Variants in GRIN2B observed in about 807,000 individuals in gnomAD.
The protein encoded by GRIN2B is glutamate receptor ionotropic, NMDA 2B.
Under a neutral mutation model 114.5 loss-of-function variants are expected in GRIN2B, and 5 were observed. The observed-to-expected ratio is 0.04, with a 90% CI of 0.02 to 0.09. The LOEUF (loss-of-function observed/expected upper bound fraction) is 0.09, where lower values mean the gene tolerates loss of function less well. Ranked by LOEUF, GRIN2B falls within the 10% of genes least tolerant of loss-of-function variation. The probability of loss-of-function intolerance (pLI) is 1.00; values close to 1 mark genes in which losing one functional copy is unlikely to be tolerated. For missense variants in GRIN2B, 1,108 were observed against 1,943.5 expected, an observed-to-expected ratio of 0.57 and a Z score of 8.08; for synonymous variants, 787 against 745.1, an observed-to-expected ratio of 1.06 and a Z score of -0.92.
intron 2 of GRIN2B, among the ~76,000 whole-genome samples, chr12:13,964,671 A>G (rs1474843064): frequency 6.6e-6 from 1 of 152,216 alleles, no homozygotes; most frequent in African/African-American, 2.4e-5. Context: ...TAGATTTTTC[A>G]GGGAAGAGGA....
At chr12:13,978,384 C>A (rs1228987558) in intron 2 of GRIN2B, among the ~76,000 whole-genome samples, 2 of 152,124 alleles carry the variant, frequency 1.3e-5, no homozygotes, top group Non-Finnish European at 2.9e-5. Context: ...ACTCTGATTA[C>A]ACCATGGTTA....
rs1272793619 is a variant in GRIN2B, at chr12:13,546,270, AG to A, written c.*16512del. The A allele has an allele frequency of 2.0e-5, 3 of 152,242 alleles. No individual in the cohort carries two copies. The highest frequency in any genetic ancestry group is 7.2e-5 in the African/African-American group (3 of 41,464). The allele number at this position is 152,242 out of a possible 1,614,324, so 9.4% of individuals were successfully genotyped here. A position where few individuals can be genotyped will look rare whatever the true frequency, so the allele number is the denominator to read the frequency against. ...GACTGGAGAATGGAAATCATTGGAGAGGGGCTGCCCTAAAGGTTTGTAGACA... is the reference window on the plus strand; with the variant it reads ...GACTGGAGAATGGAAATCATTGGAGAGGGCTGCCCTAAAGGTTTGTAGACA... On this transcript the variant is annotated 3_prime_UTR_variant, in exon 14 of 14. Transcript: ENST00000609686.
intron 3 of GRIN2B, among the ~76,000 whole-genome samples, chr12:13,859,061 G>A (rs1450373054): frequency 6.6e-6 from 1 of 152,202 alleles, no homozygotes; most frequent in Non-Finnish European, 1.5e-5. Flanking sequence ...ACCATGCACT[G>A]GGTACATTGC....
intron 3 of GRIN2B, among the ~76,000 whole-genome samples, chr12:13,827,427 G>C (rs2136699519): frequency 6.6e-6 from 1 of 151,660 alleles, no homozygotes; most frequent in East Asian, 1.9e-4. Context: ...TGGACTGATA[G>C]ATAATTTCCT....
At chr12:13,923,360 T>C (rs1866854885) in intron 2 of GRIN2B, among the ~76,000 whole-genome samples, 1 of 152,290 alleles carries the variant, frequency 6.6e-6, no homozygotes, top group East Asian at 1.9e-4. Context: ...TATTCACACA[T>C]AACGGAACAA....
intron 5 of GRIN2B, among the ~76,000 whole-genome samples, chr12:13,663,686 A>G (rs933971328): frequency 6.6e-6 from 1 of 152,192 alleles, no homozygotes; most frequent in African/African-American, 2.4e-5. Context: ...CTCATTTCAA[A>G]TTTATAACTA....
chr12:13,659,942 C>T (rs35674397), intron 5 of GRIN2B, among the ~76,000 whole-genome samples: 11,550 of 152,204 alleles, frequency 0.076, 465 homozygotes, highest in Non-Finnish European at 0.09. Context: ...CTTCCAGACA[C>T]GCTTTAGCTG....
At chr12:13,846,136 G>A (rs1430564262) in intron 3 of GRIN2B, among the ~76,000 whole-genome samples, 3 of 152,172 alleles carry the variant, frequency 2.0e-5, no homozygotes, top group Admixed American at 1.3e-4. Flanking sequence ...CTTGCCCAGA[G>A]TCAAACAGCT....
intron 10 of GRIN2B, among the ~76,000 whole-genome samples, chr12:13,578,265 G>A (rs1948803739): frequency 6.6e-6 from 1 of 152,142 alleles, no homozygotes; most frequent in Non-Finnish European, 1.5e-5. Flanking sequence ...ATTCTTAGCT[G>A]ACCTAGGTGA....
chr12:13,737,802 A>G (rs1863212056), intron 4 of GRIN2B, among the ~76,000 whole-genome samples: 1 of 152,246 alleles, frequency 6.6e-6, no homozygotes, highest in Non-Finnish European at 1.5e-5. Context: ...AAGCACTTTA[A>G]CAATAGTAAT....
In GRIN2B at chr12:13,562,647, G is replaced by T; in HGVS notation, c.*136C>A. ...GCCCCCAGTAGGAACCAGAACTCCA[G>T]GATCCCATAAATAAATTAAAACAAG... On this transcript the variant is annotated 3_prime_UTR_variant, in exon 14 of 14. Coordinates refer to ENST00000609686, the MANE Select transcript of GRIN2B (RefSeq NM_000834.5). 1.3e-6 allele frequency: 1 copy of T among 794,448 alleles called. No individual in the cohort carries two copies. Among genetic ancestry groups the T allele is most frequent in the Non-Finnish European group, 2.2e-6 (1 of 459,750 alleles). The allele number at this position is 794,448 out of a possible 1,614,324, so 49.2% of individuals were successfully genotyped here.
At chr12:13,617,010 C>T (rs1949452752) in intron 5 of GRIN2B, among the ~76,000 whole-genome samples, 1 of 152,168 alleles carries the variant, frequency 6.6e-6, no homozygotes, top group Non-Finnish European at 1.5e-5. Flanking sequence ...TCTTGCAGCG[C>T]TGTGTAGTAA....
chr12:13,756,267 G>A (rs1331649850), intron 3 of GRIN2B, among the ~76,000 whole-genome samples: 1 of 152,160 alleles, frequency 6.6e-6, no homozygotes, highest in African/African-American at 2.4e-5. Flanking sequence ...ACCTGCCTCA[G>A]CCTCCCAAAG....
At chr12:13,675,317 G>C (rs988627943) in intron 5 of GRIN2B, among the ~76,000 whole-genome samples, 1 of 152,070 alleles carries the variant, frequency 6.6e-6, no homozygotes, top group African/African-American at 2.4e-5. Flanking sequence ...AGATTGAGCA[G>C]AGCCTTGCAT....
In GRIN2B at chr12:13,877,181, G is replaced by C. The variant is rs1591598575; in HGVS notation, c.-18-10955C>G. Reference sequence around the variant, plus strand: ...ATTAGCCCTCTTTCCCTTGGTCTCTGAGCTATAGGATGGTTCTGCTGATGG... The same window carrying C: ...ATTAGCCCTCTTTCCCTTGGTCTCTCAGCTATAGGATGGTTCTGCTGATGG... On this transcript the variant is annotated intron_variant, in intron 2 of 13. Coordinates refer to ENST00000609686, the MANE Select transcript of GRIN2B (RefSeq NM_000834.5). Among the ~76,000 whole-genome samples the C allele has an allele frequency of 2.0e-5, 3 of 152,092 alleles. No individual in the cohort carries two copies. The East Asian group carries it at 5.8e-4, about 29-fold the overall frequency.
intron 3 of GRIN2B, among the ~76,000 whole-genome samples, chr12:13,852,733 G>T (rs1456339601): frequency 6.6e-6 from 1 of 150,974 alleles, no homozygotes; most frequent in Non-Finnish European, 1.5e-5. Context: ...ATCACACGTG[G>T]CAAGAGGTCA....
At chr12:13,958,201 T>C (rs1867626189) in intron 2 of GRIN2B, among the ~76,000 whole-genome samples, 2 of 152,332 alleles carry the variant, frequency 1.3e-5, no homozygotes, top group African/African-American at 4.8e-5. Flanking sequence ...GTTTTACTAA[T>C]AGTGGACTAA....
intron 4 of GRIN2B, among the ~76,000 whole-genome samples, chr12:13,729,262 G>A (rs1327428050): frequency 5.9e-5 from 9 of 152,200 alleles, no homozygotes; most frequent in Non-Finnish European, 1.0e-4. Flanking sequence ...CTTGTGTACC[G>A]CACTATCAAT....
At chr12:13,948,725 A>G (rs1317295066) in intron 2 of GRIN2B, among the ~76,000 whole-genome samples, 1 of 152,172 alleles carries the variant, frequency 6.6e-6, no homozygotes, top group Non-Finnish European at 1.5e-5. Context: ...CAGCATGCCA[A>G]GGATGGTGTG....
Sources: gnomAD v4.1 joint callset for allele counts (sites outside exome capture counted in the v4.1 genomes callset) on GRCh38, gnomAD v4.1.1 for gene constraint, MANE v1.5 for transcripts, NCBI Gene and HGNC (gene_info 2026-07-23, HGNC 2026-07-21) for gene names.